Variants in CD2AP observed in about 807,000 individuals in gnomAD.
CD2AP encodes CD2-associated protein.
A neutral mutation model predicts 85.1 loss-of-function variants in CD2AP; 46 were observed. The observed-to-expected ratio is 0.54, with a 90% confidence interval of 0.43 to 0.69. CD2AP has a LOEUF of 0.69. Among genes scored for constraint, CD2AP ranks in the 30% least tolerant of loss-of-function variants. CD2AP has a pLI of 0.00. For synonymous variants in CD2AP, 255 were observed against 252.9 expected (o/e 1.01, Z -0.08); for missense variants, 769 against 729.5 (o/e 1.05, Z -0.62).
At chr6:47,529,801 GAATTTACTGT>G (rs1168790882) in intron 2 of CD2AP, among the ~76,000 whole-genome samples, 1 of 152,116 alleles carries the variant, frequency 6.6e-6, no homozygotes, top group Non-Finnish European at 1.5e-5. Flanking sequence ...CTTTAAGTGG[GAATTTACTGT>G]ATTTCAGATT....
At chr6:47,586,152 A>C (rs1273321130) in intron 11 of CD2AP, among the ~76,000 whole-genome samples, 1 of 152,196 alleles carries the variant, frequency 6.6e-6, no homozygotes, top group African/African-American at 2.4e-5. Flanking sequence ...AACAGCTATG[A>C]TAAACGTTTC....
intron 13 of CD2AP, among the ~76,000 whole-genome samples, chr6:47,603,546 T>A (rs1179660441): frequency 6.6e-6 from 1 of 152,086 alleles, no homozygotes; most frequent in East Asian, 1.9e-4. Flanking sequence ...TTGAAATTAA[T>A]ACTAATATTA....
At chr6:47,609,530 A>G (rs1769371960) in intron 16 of CD2AP, 2 of 323,330 alleles carry the variant, frequency 6.2e-6, no homozygotes, top group South Asian at 7.1e-5. Context: ...AAAAAAAAAA[A>G]AGAAAAGAAA....
intron 5 of CD2AP, among the ~76,000 whole-genome samples, chr6:47,568,658 C>T (rs899180622): frequency 2.0e-5 from 3 of 152,082 alleles, no homozygotes; most frequent in Non-Finnish European, 4.4e-5. Flanking sequence ...GCAGGAGATT[C>T]GCTTGAACCT....
chr6:47,551,340 C>T (rs1188215174), intron 4 of CD2AP, among the ~76,000 whole-genome samples: 2 of 152,140 alleles, frequency 1.3e-5, no homozygotes, highest in Non-Finnish European at 2.9e-5. Context: ...TGTGTCAAAA[C>T]ACCCTGTAAT....
Position 47,619,409 on chromosome 6 carries a change from T to A in CD2AP, c.1879-4777T>A, listed in dbSNP as rs1314107346. On this transcript the variant is annotated intron_variant, in intron 17 of 17. Coordinates refer to ENST00000359314, the MANE Select transcript of CD2AP (RefSeq NM_012120.3). The stretch of plus-strand genomic sequence containing the variant: ...ACTGCAGATGCTGTTAATTCATTCC[T>A]TTTTATGGCTAAGTAGTATTCCATC... Among the ~76,000 whole-genome samples the A allele has an allele frequency of 2.0e-5, 3 of 152,232 alleles. No homozygotes were observed. The East Asian group carries it at 5.8e-4, about 29-fold the overall frequency.
At chr6:47,497,181 T>C (rs1322051612) in intron 1 of CD2AP, among the ~76,000 whole-genome samples, 2 of 151,970 alleles carry the variant, frequency 1.3e-5, no homozygotes, top group Non-Finnish European at 2.9e-5. Context: ...GTAGTACATA[T>C]GATTATATTT....
At chr6:47,547,513 G>A (rs1006575055) in intron 4 of CD2AP, among the ~76,000 whole-genome samples, 4 of 151,914 alleles carry the variant, frequency 2.6e-5, no homozygotes, top group African/African-American at 9.7e-5. Flanking sequence ...CCTAACACTG[G>A]AGCTCTTTAG....
intron 5 of CD2AP, among the ~76,000 whole-genome samples, chr6:47,559,661 CTAAAGT>C (rs1184481799): frequency 2.6e-5 from 4 of 152,122 alleles, no homozygotes; most frequent in African/African-American, 9.7e-5. Flanking sequence ...AAGATTATTA[CTAAAGT>C]TAATGTGCTC....
chr6:47,488,736 AAAG>A (rs1765640168), intron 1 of CD2AP, among the ~76,000 whole-genome samples: 1 of 151,250 alleles, frequency 6.6e-6, no homozygotes, highest in Non-Finnish European at 1.5e-5. Context: ...AAAAAAAAAA[AAAG>A]AGATAGCCAG....
chr6:47,513,026 A>G (rs1766360172), intron 2 of CD2AP, among the ~76,000 whole-genome samples: 2 of 152,226 alleles, frequency 1.3e-5, no homozygotes, highest in Non-Finnish European at 2.9e-5. Context: ...TGATGTCAGG[A>G]CAATGAGAAA....
intron 3 of CD2AP, among the ~76,000 whole-genome samples, chr6:47,535,422 C>T (rs1448186849): frequency 1.3e-5 from 2 of 152,118 alleles, no homozygotes; most frequent in Non-Finnish European, 2.9e-5. Context: ...TTTATAGAGT[C>T]CCCTTATGTC....
Position 47,609,578 on chromosome 6 carries a change from G to C in CD2AP, c.1814+274G>C. On this transcript the variant is annotated intron_variant, in intron 16 of 17. Transcript: ENST00000359314. ...GCCAGGCTTGGTGACACATCCCTGT[G>C]GTCCCAGCTACTCAAGAGGCTGAGG... is the stretch of plus-strand genomic sequence containing the variant. 9.2e-6 allele frequency: 3 copies of C among 325,728 alleles called. No individual in the cohort carries two copies. In the South Asian group the frequency reaches 1.1e-4, roughly 11 times the overall value. 20.2% of individuals were successfully genotyped at this position (325,728 alleles called of 1,614,324 possible).
chr6:47,599,667 C>G (rs1164388257), intron 13 of CD2AP, among the ~76,000 whole-genome samples: 5 of 151,968 alleles, frequency 3.3e-5, no homozygotes, highest in African/African-American at 1.2e-4. Flanking sequence ...TCTTACTGAT[C>G]AGAGGACTGA....
intron 11 of CD2AP, among the ~76,000 whole-genome samples, chr6:47,586,033 G>A (rs1299567466): frequency 1.3e-5 from 2 of 152,130 alleles, no homozygotes; most frequent in Non-Finnish European, 2.9e-5. Context: ...AGATTGCCAG[G>A]CATAGAAAGA....
intron 2 of CD2AP, among the ~76,000 whole-genome samples, chr6:47,518,767 G>T (rs1766513422): frequency 6.6e-6 from 1 of 152,158 alleles, no homozygotes; most frequent in Admixed American, 6.5e-5. Context: ...GAATGTTCTA[G>T]TTGTACATCT....
chr6:47,595,443 C>T (rs1768914375), intron 11 of CD2AP, among the ~76,000 whole-genome samples: 1 of 151,520 alleles, frequency 6.6e-6, no homozygotes, highest in Non-Finnish European at 1.5e-5. Flanking sequence ...TTATATAGGA[C>T]TTGAGTTTCT....
intron 6 of CD2AP, among the ~76,000 whole-genome samples, chr6:47,575,703 A>G (rs546735301): frequency 6.6e-6 from 1 of 152,228 alleles, no homozygotes; most frequent in East Asian, 1.9e-4. Context: ...ATTACTGTTA[A>G]ATAATAAGGT....
At chr6:47,575,687 G>C (rs1768289011) in intron 6 of CD2AP, among the ~76,000 whole-genome samples, 1 of 152,010 alleles carries the variant, frequency 6.6e-6, no homozygotes, top group South Asian at 2.1e-4. Flanking sequence ...GTTGTTTCTG[G>C]GTTAAATTAC....
Sources: allele counts gnomAD v4.1 joint callset (sites outside exome capture counted in the v4.1 genomes callset), GRCh38; gene constraint gnomAD v4.1.1; transcripts MANE v1.5; gene names NCBI Gene and HGNC (gene_info 2026-07-23, HGNC 2026-07-21).